Variants in RAPGEF6 observed in about 807,000 individuals in gnomAD.
RAPGEF6 encodes PDZ domain containing guanine nucleotide exchange factor (GEF) 2.
In RAPGEF6, 56 loss-of-function variants were observed where a neutral mutation model predicts 171.4. That is an observed-to-expected ratio of 0.33 (90% CI 0.26 to 0.41). RAPGEF6 has a LOEUF of 0.41. Ranked by LOEUF, RAPGEF6 falls within the 10% of genes least tolerant of loss-of-function variation. The probability of loss-of-function intolerance (pLI) is 1.00; values close to 1 mark genes in which losing one functional copy is unlikely to be tolerated. For missense variants in RAPGEF6, 1,674 were observed against 1,921.4 expected (o/e 0.87, Z 2.41); for synonymous variants, 692 against 650.1 (o/e 1.06, Z -0.98).
chr5:131,448,398 T>G (rs1387978664), intron 21 of RAPGEF6, among the ~76,000 whole-genome samples: 1 of 152,188 alleles, frequency 6.6e-6, no homozygotes, highest in East Asian at 1.9e-4. Context: ...CCATAAGAGC[T>G]CCTTCAATAA....
intron 14 of RAPGEF6, among the ~76,000 whole-genome samples, chr5:131,492,121 T>C (rs984903004): frequency 3.9e-5 from 6 of 152,210 alleles, no homozygotes; most frequent in Admixed American, 3.9e-4. Flanking sequence ...TGCTTATGGA[T>C]ATAGTTATGT....
chr5:131,631,049 T>A (rs1055565710), intron 1 of RAPGEF6, among the ~76,000 whole-genome samples: 1 of 152,208 alleles, frequency 6.6e-6, no homozygotes, highest in Non-Finnish European at 1.5e-5. Context: ...TGATTTCTAC[T>A]CTTCTCCCCG....
chr5:131,553,509 G>A (rs991278778), intron 5 of RAPGEF6, among the ~76,000 whole-genome samples: 2 of 152,172 alleles, frequency 1.3e-5, no homozygotes, highest in Non-Finnish European at 2.9e-5. Flanking sequence ...CTACCAGAGA[G>A]AGAACTTCAA....
At chr5:131,632,651 G>C (rs1393933889) in intron 1 of RAPGEF6, among the ~76,000 whole-genome samples, 1 of 152,164 alleles carries the variant, frequency 6.6e-6, no homozygotes, top group Non-Finnish European at 1.5e-5. Context: ...GCCTTCAGCT[G>C]CTAGACTCCC....
intron 3 of RAPGEF6, among the ~76,000 whole-genome samples, chr5:131,596,384 T>C (rs999101766): frequency 1.3e-5 from 2 of 149,934 alleles, no homozygotes; most frequent in Non-Finnish European, 3.0e-5. Context: ...CTCATATATA[T>C]ATTTACAGTA....
At chr5:131,527,618 G>A (rs1758971893) in intron 6 of RAPGEF6, among the ~76,000 whole-genome samples, 1 of 152,006 alleles carries the variant, frequency 6.6e-6, no homozygotes, top group Non-Finnish European at 1.5e-5. Flanking sequence ...AAGCACAGAA[G>A]GTGAAATAGA....
At chr5:131,439,522 T>C in intron 24 of RAPGEF6, 59 bp downstream of exon 24, 3 of 1,511,848 alleles carry the variant, frequency 2.0e-6, no homozygotes, top group Non-Finnish European at 2.7e-6. Flanking sequence ...AAAAGCAAAA[T>C]ATGTGCTATA....
intron 27 of RAPGEF6, among the ~76,000 whole-genome samples, 187 bp from the exon 28 acceptor site, chr5:131,427,478 T>C (rs979892817): frequency 5.3e-5 from 8 of 152,164 alleles, no homozygotes; most frequent in Non-Finnish European, 1.2e-4. Context: ...TAAACTGGAA[T>C]TTCATGGTTT....
chr5:131,514,618 T>C (rs191550003), intron 7 of RAPGEF6, among the ~76,000 whole-genome samples: 114 of 151,604 alleles, frequency 7.5e-4, no homozygotes, highest in South Asian at 6.4e-3. Context: ...GAAAAACAAT[T>C]AGAGGAAAAA....
At position 131,447,595 on chromosome 5, in the gene RAPGEF6, TTTTATTTAGATG is replaced by T. The variant is rs199952835; in HGVS notation, c.3201-904_3201-893del. Among the ~76,000 whole-genome samples, 842 of 152,320 alleles carry T rather than the reference TTTTATTTAGATG, an allele frequency of 5.5e-3. 4 individuals are homozygous for T. Among genetic ancestry groups the T allele is most frequent in the African/African-American group, 0.019 (775 of 41,566 alleles). On this transcript the variant is annotated intron_variant, in intron 21 of 27. Transcript: ENST00000509018. ...AACAAATACAAAATTCTTATATAAT[TTTTATTTAGATG>T]GTATTTTATTTTGCCATTCCAAAAT...
intron 17 of RAPGEF6, among the ~76,000 whole-genome samples, chr5:131,469,118 C>T (rs549807181): frequency 7.2e-5 from 11 of 152,206 alleles, no homozygotes; most frequent in African/African-American, 2.6e-4. Flanking sequence ...GAACAACACA[C>T]CTTGAAACAG....
chr5:131,429,580 G>A (rs1258190296), intron 26 of RAPGEF6, among the ~76,000 whole-genome samples: 3 of 152,178 alleles, frequency 2.0e-5, no homozygotes, highest in South Asian at 2.1e-4. Flanking sequence ...CCTACACACC[G>A]ATTCTCTGTA....
At chr5:131,533,834 T>C (rs894810473) in intron 6 of RAPGEF6, among the ~76,000 whole-genome samples, 15 of 152,184 alleles carry the variant, frequency 9.9e-5, no homozygotes, top group African/African-American at 3.1e-4. Context: ...TAAACCTGCT[T>C]CCAGAGTGAG....
chr5:131,568,643 G>A (rs778527163), intron 4 of RAPGEF6, among the ~76,000 whole-genome samples: 1 of 152,094 alleles, frequency 6.6e-6, no homozygotes, highest in African/African-American at 2.4e-5. Context: ...ATTCTTGATG[G>A]TTAATCTGTG....
intron 27 of RAPGEF6, among the ~76,000 whole-genome samples, chr5:131,427,905 C>T (rs569524336): frequency 5.3e-5 from 8 of 152,056 alleles, no homozygotes; most frequent in Non-Finnish European, 1.0e-4. Flanking sequence ...TCCAGGAGTT[C>T]AAGACCAGCC....
rs115660288 is a variant in RAPGEF6 at position 131,466,437 on chromosome 5, T to C, written c.2240-2156A>G. On this transcript the variant is annotated intron_variant, in intron 17 of 27. Transcript: ENST00000509018. ...CAAGATCCATCAAAATCAGACATACTTCTTGAAAGGTTTGGCTGTGTCCCC... is the reference window on the plus strand; with the variant it reads ...CAAGATCCATCAAAATCAGACATACCTCTTGAAAGGTTTGGCTGTGTCCCC... Among the ~76,000 whole-genome samples, 154 of 152,284 alleles carry C rather than the reference T, an allele frequency of 1.0e-3. 1 individual carries two copies. Among genetic ancestry groups the C allele is most frequent in the African/African-American group, 3.2e-3 (132 of 41,544 alleles).
At chr5:131,530,608 G>C (rs1759307104) in intron 6 of RAPGEF6, among the ~76,000 whole-genome samples, 1 of 152,108 alleles carries the variant, frequency 6.6e-6, no homozygotes, top group Non-Finnish European at 1.5e-5. Context: ...TGAGGGAAGG[G>C]GGATGGAGAC....
intron 17 of RAPGEF6, among the ~76,000 whole-genome samples, chr5:131,464,942 T>C (rs1484219637): frequency 6.6e-6 from 1 of 152,220 alleles, no homozygotes; most frequent in Non-Finnish European, 1.5e-5. Flanking sequence ...TTTGTTTTGC[T>C]TTCCCATTTC....
Position 131,510,074 on chromosome 5 carries a change from C to T in RAPGEF6, c.805+240G>A, listed in dbSNP as rs112471416. On this transcript the variant is annotated intron_variant, in intron 8 of 27. Coordinates refer to ENST00000509018, the MANE Select transcript of RAPGEF6 (RefSeq NM_016340.6). ...GCTATCTTGGACACAGATTCTACAG[C>T]TCAGCCCAGGGAAGACCTGGATGGC... Among the ~76,000 whole-genome samples, 946 of 152,276 alleles carry T rather than the reference C, an allele frequency of 6.2e-3. 6 individuals carry two copies. Among genetic ancestry groups the T allele is most frequent in the African/African-American group, 0.022 (896 of 41,536 alleles).
Sources: gnomAD v4.1 joint callset for allele counts (sites outside exome capture counted in the v4.1 genomes callset) on GRCh38, gnomAD v4.1.1 for gene constraint, MANE v1.5 for transcripts, NCBI Gene and HGNC (gene_info 2026-07-23, HGNC 2026-07-21) for gene names.